Variants in SNAP91 observed in about 807,000 individuals in gnomAD.
SNAP91 encodes synaptosome associated protein 91, also known as clathrin coat assembly protein AP180.
Under a neutral mutation model 100.3 loss-of-function variants are expected in SNAP91, and 27 were observed. That is an observed-to-expected ratio of 0.27 (90% CI 0.20 to 0.37). The LOEUF (loss-of-function observed/expected upper bound fraction) is 0.37, where lower values mean the gene tolerates loss of function less well. Ranked by LOEUF, SNAP91 falls within the 10% of genes least tolerant of loss-of-function variation. SNAP91 has a pLI of 1.00. For missense variants in SNAP91, 986 were observed against 1,123.7 expected (o/e 0.88, Z 1.75); for synonymous variants, 404 against 398.6 (o/e 1.01, Z -0.16).
intron 7 of SNAP91, among the ~76,000 whole-genome samples, chr6:83,655,277 G>A (rs540426105): frequency 7.2e-5 from 11 of 152,330 alleles, no homozygotes; most frequent in Non-Finnish European, 1.3e-4. Flanking sequence ...AGCTGCTTTG[G>A]TGGCAACATA....
At chr6:83,583,384 A>G (rs1831258075) in intron 22 of SNAP91, among the ~76,000 whole-genome samples, 1 of 152,226 alleles carries the variant, frequency 6.6e-6, no homozygotes, top group Admixed American at 6.5e-5. Flanking sequence ...CACTGAATTA[A>G]TGTTTATTAA....
chr6:83,585,633 T>G (rs2128149890), intron 22 of SNAP91, among the ~76,000 whole-genome samples: 1 of 152,122 alleles, frequency 6.6e-6, no homozygotes, highest in South Asian at 2.1e-4. Context: ...ACACTATAAC[T>G]GAAGAGCCAA....
chr6:83,703,515 C>CT (rs35456456), intron 2 of SNAP91, among the ~76,000 whole-genome samples: 1 of 152,084 alleles, frequency 6.6e-6, no homozygotes, highest in African/African-American at 2.4e-5. Context: ...AAATTTCTTA[C>CT]TTTTTTTGCA....
At chr6:83,641,560 G>C (rs898929797) in intron 7 of SNAP91, among the ~76,000 whole-genome samples, 158 of 152,234 alleles carry the variant, frequency 1.0e-3, no homozygotes, top group African/African-American at 3.8e-3. Flanking sequence ...ATTTATGACT[G>C]CATTCTACAG....
At chr6:83,662,485 C>A in intron 3 of SNAP91, 63 bp from the exon 4 acceptor site, 1 of 618,136 alleles carries the variant, frequency 1.6e-6, no homozygotes, top group Non-Finnish European at 2.5e-6. Flanking sequence ...CAATTTCTGA[C>A]ACTAAAGCGA....
At chr6:83,697,891 G>A (rs1247423973) in intron 2 of SNAP91, among the ~76,000 whole-genome samples, 2 of 152,026 alleles carry the variant, frequency 1.3e-5, no homozygotes, top group African/African-American at 4.8e-5. Context: ...TTGGCGTGAG[G>A]AATAAGACAG....
chr6:83,607,702 A>C lies in SNAP91; in HGVS notation c.1019T>G (p.Val340Gly), dbSNP rs1418875528. 6.4e-7 allele frequency: 1 copy of C among 1,561,212 alleles called. No homozygotes were observed. The highest frequency in any genetic ancestry group is 8.7e-7 in the Non-Finnish European group (1 of 1,149,030). ...LFATASAAVP[V>G]STSKPSSDLL... ...AACTGCATATTTATTTACCAACCTG[A>C]CTGGGACAGCCGCAGATGCAGTTGC... Residue 340 changes from valine to glycine, a missense_variant, in exon 13 of 30, where the codon GTC (valine) becomes GGC (glycine). Coordinates refer to ENST00000369694, the MANE Select transcript of SNAP91 (RefSeq NM_001242792.2).
intron 2 of SNAP91, among the ~76,000 whole-genome samples, chr6:83,684,592 C>G (rs2099035926): frequency 6.6e-6 from 1 of 152,096 alleles, no homozygotes; most frequent in Non-Finnish European, 1.5e-5. Context: ...CTCACAATAT[C>G]ATGAAGATTT....
At chr6:83,640,971 G>A (rs2097674782) in intron 8 of SNAP91, 125 bp downstream of exon 8, 1 of 520,702 alleles carries the variant, frequency 1.9e-6, no homozygotes, top group Admixed American at 4.2e-5. Flanking sequence ...TTAATATACT[G>A]TGACTCCGAG....
intron 2 of SNAP91, among the ~76,000 whole-genome samples, chr6:83,667,001 G>A (rs1271640650): frequency 6.6e-6 from 1 of 152,072 alleles, no homozygotes; most frequent in Non-Finnish European, 1.5e-5. Flanking sequence ...GCAGAGCACT[G>A]TGTACAATAT....
intron 26 of SNAP91, among the ~76,000 whole-genome samples, chr6:83,571,556 A>G (rs962156618): frequency 2.0e-5 from 3 of 152,154 alleles, no homozygotes; most frequent in African/African-American, 7.2e-5. Context: ...TCCCATTTGG[A>G]ATGGCGGTAT....
chr6:83,574,562 A>G (rs1814777750), intron 26 of SNAP91, among the ~76,000 whole-genome samples: 2 of 152,306 alleles, frequency 1.3e-5, no homozygotes. Flanking sequence ...ACTTACTAAG[A>G]CAATCAGAAA....
intron 26 of SNAP91, among the ~76,000 whole-genome samples, chr6:83,563,362 G>C (rs1791389328): frequency 6.6e-6 from 1 of 151,962 alleles, no homozygotes; most frequent in Non-Finnish European, 1.5e-5. Flanking sequence ...CAACGAACTA[G>C]AAAAGCAGGG....
chr6:83,623,404 G>A, intron 8 of SNAP91, 62 bp from the exon 9 acceptor site: 2 of 1,167,942 alleles, frequency 1.7e-6, no homozygotes, highest in Non-Finnish European at 2.5e-6. Context: ...TCATTTAATG[G>A]AAGATCACCT....
At position 83,556,180 on chromosome 6, in the gene SNAP91, C is replaced by T. The variant is rs377439322; in HGVS notation, c.2697G>A (p.Ala899=). 3.4e-5 allele frequency: 53 copies of T among 1,570,678 alleles called. No individual in the cohort carries two copies. The highest frequency in any genetic ancestry group is 9.3e-5 in the East Asian group (4 of 42,860). The change falls in exon 29 of 30, where the codon GCG becomes GCA. Residue 899 remains alanine (A), a synonymous_variant. Transcript: ENST00000369694. ...ACAAGAAATCCTTGATGTTAAGATC[C>T]GCTAATGGGTCCTTTGCTGGAGGTT... ...PKKPPAKDPL[A]DLNIKDFL
chr6:83,659,336 G>A (rs993087784), intron 5 of SNAP91, among the ~76,000 whole-genome samples: 11 of 151,938 alleles, frequency 7.2e-5, no homozygotes, highest in South Asian at 2.1e-4. Context: ...GAAAGCAATC[G>A]GGTCTGGATA....
intron 26 of SNAP91, among the ~76,000 whole-genome samples, chr6:83,564,345 T>TTA (rs1057315702): frequency 1.3e-4 from 19 of 149,362 alleles, no homozygotes; most frequent in Admixed American, 3.4e-4. Context: ...CTTTTTTTTT[T>TTA]TATATATATA....
At chr6:83,645,289 G>A (rs1421788968) in intron 7 of SNAP91, among the ~76,000 whole-genome samples, 1 of 151,588 alleles carries the variant, frequency 6.6e-6, no homozygotes, top group Non-Finnish European at 1.5e-5. Context: ...AGTAGTTTTA[G>A]GTTCACAACA....
At chr6:83,709,171 G>C (rs546134424), upstream of SNAP91, 1,124 of 152,504 alleles carry the variant, frequency 7.4e-3, 4 homozygotes, top group Middle Eastern at 0.02. Context: ...GGACAAACCC[G>C]GACGAGCCCT....
Sources: gnomAD v4.1 joint callset for allele counts (sites outside exome capture counted in the v4.1 genomes callset) on GRCh38, gnomAD v4.1.1 for gene constraint, MANE v1.5 for transcripts, NCBI Gene and HGNC (gene_info 2026-07-23, HGNC 2026-07-21) for gene names.